TPRG1: variants seen among roughly 807,000 people sequenced by gnomAD.
TPRG1 encodes the protein tumor protein p63 regulated 1.
A neutral mutation model predicts 29.3 loss-of-function variants in TPRG1; 29 were observed. The observed-to-expected ratio is 0.99, with a 90% CI of 0.74 to 1.35. TPRG1 has a LOEUF of 1.35. Among genes scored for constraint, TPRG1 ranks in the 40% most tolerant of loss-of-function variants. The pLI is 0.00. For missense variants in TPRG1, 327 were observed against 335.0 expected (o/e 0.98, Z 0.19); for synonymous variants, 130 against 116.8 (o/e 1.11, Z -0.73).
chr3:189,252,317 ATCTC>A (rs1259183891), intron 4 of TPRG1, among the ~76,000 whole-genome samples: 1 of 152,044 alleles, frequency 6.6e-6, no homozygotes, highest in African/African-American at 2.4e-5. Context: ...TAGCAATCTG[ATCTC>A]TCTTTCTTTT....
intron 4 of TPRG1, among the ~76,000 whole-genome samples, chr3:189,077,514 G>A (rs544560138): frequency 2.6e-5 from 4 of 152,164 alleles, no homozygotes; most frequent in South Asian, 2.1e-4. Flanking sequence ...AAGACACAAG[G>A]AATTTTTGGG....
chr3:189,161,162 A>T (rs1252843751), intron 5 of TPRG1, among the ~76,000 whole-genome samples: 1 of 152,132 alleles, frequency 6.6e-6, no homozygotes, highest in African/African-American at 2.4e-5. Flanking sequence ...GTTAGCATAT[A>T]TTGTTTATTG....
chr3:189,239,663 G>T (rs942759101), intron 4 of TPRG1, among the ~76,000 whole-genome samples: 1 of 152,192 alleles, frequency 6.6e-6, no homozygotes, highest in Non-Finnish European at 1.5e-5. Flanking sequence ...TTCCAAAGCG[G>T]TAGCTAAAAA....
intron 3 of TPRG1, among the ~76,000 whole-genome samples, chr3:189,230,379 C>T (rs745521821): frequency 2.0e-5 from 3 of 151,952 alleles, no homozygotes; most frequent in Non-Finnish European, 4.4e-5. Context: ...CTTGGTTGTT[C>T]CATCTGTAAA....
chr3:189,101,100 C>T (rs1280438890), intron 1 of TPRG1, among the ~76,000 whole-genome samples: 1 of 152,208 alleles, frequency 6.6e-6, no homozygotes, highest in African/African-American at 2.4e-5. Flanking sequence ...ATACCTGCAT[C>T]CATGTCCTGC....
chr3:189,125,996 A>T (rs1357450913), intron 1 of TPRG1, among the ~76,000 whole-genome samples: 42 of 152,126 alleles, frequency 2.8e-4, no homozygotes, highest in Admixed American at 2.8e-3. Context: ...TTTCTGACAA[A>T]GTACAAAGTG....
intron 4 of TPRG1, among the ~76,000 whole-genome samples, chr3:189,072,929 C>T (rs1175505542): frequency 6.6e-6 from 1 of 152,158 alleles, no homozygotes; most frequent in Non-Finnish European, 1.5e-5. Context: ...CCCCTTCAAG[C>T]ATGCTTCTGT....
At chr3:189,111,922 A>G (rs1720579263) in intron 1 of TPRG1, among the ~76,000 whole-genome samples, 1 of 152,108 alleles carries the variant, frequency 6.6e-6, no homozygotes, top group Admixed American at 6.5e-5. Context: ...ATCATTTGAT[A>G]TTATCGTAAC....
chr3:189,000,254 G>T (rs1191547906), intron 1 of TPRG1, among the ~76,000 whole-genome samples: 1 of 151,962 alleles, frequency 6.6e-6, no homozygotes, highest in Non-Finnish European at 1.5e-5. Context: ...ATTTGGTGGT[G>T]GTTGTTGGAT....
chr3:189,022,369 A>G (rs1259706529), intron 3 of TPRG1, among the ~76,000 whole-genome samples: 2 of 145,522 alleles, frequency 1.4e-5, no homozygotes, highest in Non-Finnish European at 3.0e-5. Context: ...GGTTTTATCT[A>G]CTTTTGGTCT....
chr3:189,223,417 C>A (rs1737230600), intron 3 of TPRG1, among the ~76,000 whole-genome samples: 1 of 152,184 alleles, frequency 6.6e-6, no homozygotes, highest in South Asian at 2.1e-4. Flanking sequence ...TGCCAGAATC[C>A]ATTTATACTG....
Position 189,267,028 on chromosome 3 carries a change from GT to G in TPRG1, c.479+28121del, listed in dbSNP as rs1714222198. Among the ~76,000 whole-genome samples, 6 of 152,178 alleles carry G rather than the reference GT, an allele frequency of 3.9e-5. No homozygotes were observed. The South Asian group carries it at 1.2e-3, about 32-fold the overall frequency. ...TATAGGGAAAGAGAGATAAAATACA[GT>G]TATGTATCACACAAAGTTTTGGTCA... On this transcript the variant is annotated intron_variant, in intron 4 of 5. Transcript: ENST00000345063.
chr3:189,218,475 C>A (rs76852361), intron 3 of TPRG1, among the ~76,000 whole-genome samples: 1 of 152,190 alleles, frequency 6.6e-6, no homozygotes, highest in African/African-American at 2.4e-5. Flanking sequence ...ACTTTTAGCT[C>A]ATTCCATGGA....
At chr3:189,225,747 G>T (rs116624525) in intron 3 of TPRG1, among the ~76,000 whole-genome samples, 1 of 152,122 alleles carries the variant, frequency 6.6e-6, no homozygotes, top group African/African-American at 2.4e-5. Flanking sequence ...AGAAGAGCAC[G>T]TAGAGCAAGA....
chr3:189,181,596 A>G (rs1462053978), intron 1 of TPRG1, among the ~76,000 whole-genome samples: 1 of 152,156 alleles, frequency 6.6e-6, no homozygotes, highest in East Asian at 1.9e-4. Context: ...TCCATCTGAG[A>G]CCATCTTAGC....
At chr3:189,185,336 A>G (rs1277501639) in intron 1 of TPRG1, among the ~76,000 whole-genome samples, 1 of 151,698 alleles carries the variant, frequency 6.6e-6, no homozygotes, top group African/African-American at 2.4e-5. Flanking sequence ...CGATCCTCCC[A>G]CCTCAGCCTC....
chr3:189,317,164 C>T (rs992193458), intron 5 of TPRG1, among the ~76,000 whole-genome samples: 1 of 152,150 alleles, frequency 6.6e-6, no homozygotes, highest in Admixed American at 6.5e-5. Context: ...AGTAATCCAA[C>T]TGGACAAGAT....
chr3:189,186,678 G>A (rs1027908760), intron 1 of TPRG1, among the ~76,000 whole-genome samples: 1 of 151,886 alleles, frequency 6.6e-6, no homozygotes, highest in South Asian at 2.1e-4. Context: ...CACCAGACCT[G>A]AGTAGATTCC....
At chr3:189,307,897 G>C (rs151015990) in intron 4 of TPRG1, among the ~76,000 whole-genome samples, 1 of 152,210 alleles carries the variant, frequency 6.6e-6, no homozygotes, top group African/African-American at 2.4e-5. Flanking sequence ...GGTCCTGAAA[G>C]CCTCTTGGAA....
Sources: gnomAD v4.1 joint callset for allele counts (sites outside exome capture counted in the v4.1 genomes callset) on GRCh38, gnomAD v4.1.1 for gene constraint, MANE v1.5 for transcripts, NCBI Gene and HGNC (gene_info 2026-07-23, HGNC 2026-07-21) for gene names.